Variants in RBMS1 observed in about 807,000 individuals in gnomAD.
RBMS1 encodes RNA-binding motif, single-stranded-interacting protein 1.
Under a neutral mutation model 62.3 loss-of-function variants are expected in RBMS1, and 17 were observed. That is an observed-to-expected ratio of 0.27 (90% CI 0.19 to 0.41). The LOEUF (loss-of-function observed/expected upper bound fraction) is 0.41, where lower values mean the gene tolerates loss of function less well. RBMS1 is among the 10% of genes least tolerant of loss of function. The pLI, the probability that RBMS1 is intolerant of heterozygous loss-of-function variation, is 1.00. For missense variants in RBMS1, 334 were observed against 504.5 expected (o/e 0.66, Z 3.24); for synonymous variants, 172 against 170.0 (o/e 1.01, Z -0.09).
chr2:160,454,878 T>C (rs1404711154), intron 1 of RBMS1, among the ~76,000 whole-genome samples: 1 of 152,210 alleles, frequency 6.6e-6, no homozygotes, highest in East Asian at 1.9e-4. Flanking sequence ...GATGGAAAAG[T>C]TCTCCATTTA....
intron 2 of RBMS1, among the ~76,000 whole-genome samples, chr2:160,332,168 G>A (rs1230849349): frequency 6.6e-6 from 1 of 152,088 alleles, no homozygotes; most frequent in Non-Finnish European, 1.5e-5. Context: ...AATATGGTGG[G>A]TTGGGGATAG....
At chr2:160,396,803 T>C (rs1301676821) in intron 1 of RBMS1, among the ~76,000 whole-genome samples, 1 of 152,034 alleles carries the variant, frequency 6.6e-6, no homozygotes, top group East Asian at 1.9e-4. Flanking sequence ...GACCTCGTAA[T>C]CCGCCCACCT....
intron 1 of RBMS1, among the ~76,000 whole-genome samples, chr2:160,428,125 A>G (rs1364862120): frequency 6.6e-6 from 1 of 152,046 alleles, no homozygotes. Flanking sequence ...CAGTTTGTTT[A>G]TAACAAATAC....
chr2:160,493,250 C>G, intron 1 of RBMS1, 39 bp downstream of exon 1: 1 of 1,594,258 alleles, frequency 6.3e-7, no homozygotes, highest in Non-Finnish European at 8.6e-7. Context: ...TCCCCGGGCC[C>G]CCTCCTCCGG....
chr2:160,296,763 G>C (rs180958297), intron 6 of RBMS1, among the ~76,000 whole-genome samples: 12 of 152,262 alleles, frequency 7.9e-5, no homozygotes, highest in Non-Finnish European at 1.6e-4. Flanking sequence ...ATTAACTTCA[G>C]TGTGTACATA....
chr2:160,430,965 C>T (rs1182345624), intron 1 of RBMS1, among the ~76,000 whole-genome samples: 1 of 151,352 alleles, frequency 6.6e-6, no homozygotes, highest in Admixed American at 6.6e-5. Context: ...TTTCCCTCCT[C>T]CAGGGTTACC....
At chr2:160,448,703 G>A (rs1412614279) in intron 1 of RBMS1, among the ~76,000 whole-genome samples, 1 of 152,298 alleles carries the variant, frequency 6.6e-6, no homozygotes, top group Non-Finnish European at 1.5e-5. Flanking sequence ...TGCAGCCTCT[G>A]CCCGGCCGCC....
At chr2:160,459,677 T>G (rs1461177301) in intron 1 of RBMS1, among the ~76,000 whole-genome samples, 1 of 152,196 alleles carries the variant, frequency 6.6e-6, no homozygotes, top group Non-Finnish European at 1.5e-5. Context: ...CAGGAGGTAT[T>G]TTATGACCAA....
At chr2:160,369,607 T>C (rs911434970) in intron 1 of RBMS1, among the ~76,000 whole-genome samples, 2 of 152,194 alleles carry the variant, frequency 1.3e-5, no homozygotes, top group African/African-American at 4.8e-5. Context: ...GTTTTCACAG[T>C]AGGACCCAGT....
chr2:160,311,210 A>ATCTCTCTCTCTCTCTCTC lies in RBMS1; in HGVS notation c.402+1945_402+1946insGAGAGAGAGAGAGAGAGA, dbSNP rs1361792296. Among the ~76,000 whole-genome samples, 461 of 56,170 alleles carry ATCTCTCTCTCTCTCTCTC rather than the reference A, an allele frequency of 8.2e-3. 5 individuals carry two copies. The highest frequency in any genetic ancestry group is 0.012 in the Non-Finnish European group (324 of 26,918). The allele number at this position is 56,170 out of a possible 152,430, so 36.8% of individuals were successfully genotyped here. A position where few individuals can be genotyped will look rare whatever the true frequency, so the allele number is the denominator to read the frequency against. On this transcript the variant is annotated intron_variant, in intron 4 of 13. Transcript: ENST00000348849. ...ACCCTGTCTCCAAAAAAAAAAAAAA[A>ATCTCTCTCTCTCTCTCTC]TCTATCTATCTATCTATCTATCTAT...
chr2:160,276,110 T>TA (rs1242187690), intron 12 of RBMS1, among the ~76,000 whole-genome samples: 1 of 152,100 alleles, frequency 6.6e-6, no homozygotes, highest in African/African-American at 2.4e-5. Context: ...GCAAACATAT[T>TA]AATAGTTCTA....
chr2:160,463,289 T>G (rs1467479446), intron 1 of RBMS1, among the ~76,000 whole-genome samples: 1 of 152,240 alleles, frequency 6.6e-6, no homozygotes, highest in Non-Finnish European at 1.5e-5. Context: ...CTTACTCACT[T>G]AAGCTATTAA....
chr2:160,343,164 C>T (rs1479726176), intron 2 of RBMS1, among the ~76,000 whole-genome samples: 1 of 152,148 alleles, frequency 6.6e-6, no homozygotes, highest in Admixed American at 6.5e-5. Flanking sequence ...GGAGGGGCAA[C>T]TGCAGAGTTC....
intron 2 of RBMS1, among the ~76,000 whole-genome samples, chr2:160,342,605 T>C (rs1012926149): frequency 6.6e-6 from 1 of 151,900 alleles, no homozygotes; most frequent in African/African-American, 2.4e-5. Context: ...CTTAGGGATG[T>C]CCAAATGATA....
intron 1 of RBMS1, among the ~76,000 whole-genome samples, chr2:160,478,109 A>G (rs1685217214): frequency 6.6e-6 from 1 of 152,232 alleles, no homozygotes; most frequent in African/African-American, 2.4e-5. Flanking sequence ...CTTAAAACAC[A>G]CTTCCTCACT....
intron 2 of RBMS1, among the ~76,000 whole-genome samples, chr2:160,334,258 C>T (rs1288007174): frequency 6.6e-6 from 1 of 152,118 alleles, no homozygotes; most frequent in African/African-American, 2.4e-5. Flanking sequence ...ACCATATGAG[C>T]TAACAGAAGG....
At chr2:160,394,289 T>C (rs1208157867) in intron 1 of RBMS1, among the ~76,000 whole-genome samples, 2 of 152,122 alleles carry the variant, frequency 1.3e-5, no homozygotes, top group Admixed American at 6.5e-5. Flanking sequence ...CACAGTAGGG[T>C]TGTAAAGTCC....
At position 160,362,490 on chromosome 2, in the gene RBMS1, TGGA is replaced by T. The variant is rs1246952710; in HGVS notation, c.251+4723_251+4725del. On this transcript the variant is annotated intron_variant, in intron 2 of 13. Coordinates refer to ENST00000348849, the MANE Select transcript of RBMS1 (RefSeq NM_016836.4). The stretch of plus-strand genomic sequence containing the variant: ...TTCAATATTATATCTCAGAGAAAAA[TGGA>T]GGAGAAGGAGACAGAAGGGGAATGA... Among the ~76,000 whole-genome samples the T allele has an allele frequency of 2.0e-5, 3 of 152,042 alleles. No homozygotes were observed. In the East Asian group the frequency reaches 5.8e-4, roughly 29 times the overall value.
intron 2 of RBMS1, among the ~76,000 whole-genome samples, chr2:160,357,321 C>A (rs1455857322): frequency 6.6e-6 from 1 of 152,044 alleles, no homozygotes; most frequent in East Asian, 1.9e-4. Flanking sequence ...AGCTTGTGTG[C>A]AGTATTTGGG....
Sources: allele counts gnomAD v4.1 joint callset (sites outside exome capture counted in the v4.1 genomes callset), GRCh38; gene constraint gnomAD v4.1.1; transcripts MANE v1.5; gene names NCBI Gene and HGNC (gene_info 2026-07-23, HGNC 2026-07-21).